CENPF: variants seen among roughly 807,000 people sequenced by gnomAD.
The protein encoded by CENPF is AH antigen.
Under a neutral mutation model 307.3 loss-of-function variants are expected in CENPF, and 214 were observed. That is an observed-to-expected ratio of 0.70 (90% CI 0.62 to 0.78). The LOEUF (loss-of-function observed/expected upper bound fraction) is 0.78, where lower values mean the gene tolerates loss of function less well. Among genes scored for constraint, CENPF ranks in the 30% least tolerant of loss-of-function variants. CENPF has a pLI of 0.00. For synonymous variants in CENPF, 1,259 were observed against 1,270.6 expected (o/e 0.99, Z 0.19); for missense variants, 3,401 against 3,483.9 (o/e 0.98, Z 0.60).
rs1464128025 is a variant in CENPF, at chr1:214,642,863, T to C, written c.4525T>C (p.Leu1509=). 1.9e-6 allele frequency: 3 copies of C among 1,614,010 alleles called. No individual in the cohort carries two copies. Among genetic ancestry groups the C allele is most frequent in the East Asian group, 2.2e-5 (1 of 44,856 alleles). The part of the protein sequence containing the change: ...LLEQTGDMSL[L]SNLEGAVSAN... ...AGAACAGACAGGAGATATGTCTCTT[T>C]TGAGTAATTTAGAAGGGGCTGTTTC... The change falls in exon 12 of 20, where the codon TTG becomes CTG. Residue 1509 remains leucine, a synonymous_variant. Coordinates refer to ENST00000366955, the MANE Select transcript of CENPF (RefSeq NM_016343.4).
intron 3 of CENPF, 171 bp downstream of exon 3, chr1:214,615,199 A>C: frequency 2.1e-6 from 1 of 477,242 alleles, no homozygotes; most frequent in East Asian, 3.5e-5. Context: ...GATTAAAAAC[A>C]AACAAACAGT....
In CENPF at chr1:214,645,901, C is replaced by T; in HGVS notation, c.6331C>T (p.Gln2111Ter). Residue 2111 changes from glutamine (Q) to a stop codon, truncating the protein, a stop_gained, in exon 13 of 20, where the codon CAG becomes TAG. Coordinates refer to ENST00000366955, the MANE Select transcript of CENPF (RefSeq NM_016343.4). LOFTEE classifies it high-confidence loss of function. The part of the protein sequence containing the change: ...GEFALRLSST[Q>*]EEVHQLRRGI... ...GTTCGCATTGAGGCTGAGCTCAACA[C>T]AGGAGGAAGTGCATCAGCTGAGAAG... The T allele has an allele frequency of 6.2e-7, 1 of 1,614,070 alleles. No homozygotes were observed. Among genetic ancestry groups the T allele is most frequent in the South Asian group, 1.1e-5 (1 of 91,078 alleles).
At chr1:214,656,516 TCTCCCAAAGCCATAC>T (rs1658635600) in intron 17 of CENPF, among the ~76,000 whole-genome samples, 1 of 152,202 alleles carries the variant, frequency 6.6e-6, no homozygotes, top group Non-Finnish European at 1.5e-5. Context: ...TAGAATCTTG[TCTCCCAAAGCCATAC>T]AACAGAAGCT....
intron 1 of CENPF, among the ~76,000 whole-genome samples, chr1:214,609,165 C>T (rs1338227418): frequency 1.3e-5 from 2 of 152,040 alleles, no homozygotes; most frequent in Non-Finnish European, 2.9e-5. Flanking sequence ...CTCCGCGCCC[C>T]GGCCGGCCTC....
chr1:214,647,129 A>G lies in CENPF; in HGVS notation c.7559A>G (p.Lys2520Arg), dbSNP rs1350741145. ...VEDGKQKLEK[K>R]DEEISRLKNQ... ...GATGGCAAGCAGAAACTGGAGAAGA[A>G]GGATGAAGAAATCAGTAGACTGAAA... The change falls in exon 13 of 20, where the codon AAG (lysine) becomes AGG (arginine). Residue 2520 changes from lysine (K) to arginine (R), a missense_variant. Coordinates refer to ENST00000366955, the MANE Select transcript of CENPF (RefSeq NM_016343.4). 1.2e-6 allele frequency: 2 copies of G among 1,613,944 alleles called. No homozygotes were observed. Among genetic ancestry groups the G allele is most frequent in the Middle Eastern group, 1.6e-4 (1 of 6,084 alleles).
At chr1:214,615,226 T>A (rs183305898) in intron 3 of CENPF, 198 bp downstream of exon 3, 111 of 441,378 alleles carry the variant, frequency 2.5e-4, no homozygotes, top group African/African-American at 2.2e-3. Context: ...GTTTTATCAT[T>A]GCATAGCTCA....
At chr1:214,654,843 G>A (rs1314933771) in intron 16 of CENPF, among the ~76,000 whole-genome samples, 1 of 152,170 alleles carries the variant, frequency 6.6e-6, no homozygotes, top group Admixed American at 6.5e-5. Flanking sequence ...ACCAAGGCAG[G>A]TATTGAAACT....
At chr1:214,608,516 C>A in intron 1 of CENPF, 1 of 1,611,986 alleles carries the variant, frequency 6.2e-7, no homozygotes, top group South Asian at 1.1e-5. Flanking sequence ...TACCTGGCAC[C>A]AGTCACGCAG....
chr1:214,632,515 G>A lies in CENPF; in HGVS notation c.1359G>A (p.Leu453=). 1.2e-6 allele frequency: 2 copies of A among 1,613,950 alleles called. No individual in the cohort carries two copies. Among genetic ancestry groups the A allele is most frequent in the South Asian group, 1.1e-5 (1 of 91,058 alleles). The change falls in exon 10 of 20, where the codon TTG becomes TTA. Residue 453 remains leucine (L), a synonymous_variant. Transcript: ENST00000366955. ...TSVKQQLENN[L]EEFKQKLCRA... ...TAAAGCAACAGCTAGAAAACAATTT[G>A]GAAGAGTTTAAGCAAAAGTTGTGCA... is the stretch of plus-strand genomic sequence containing the variant.
chr1:214,646,867 A>T lies in CENPF; in HGVS notation c.7297A>T (p.Lys2433Ter). 1.2e-6 allele frequency: 2 copies of T among 1,613,718 alleles called. No homozygotes were observed. Among genetic ancestry groups the T allele is most frequent in the East Asian group, 2.2e-5 (1 of 44,882 alleles). ...AAAAGAGCAAGAGAAAGTACAGATG[A>T]AAGAAAAATCAAGCACTGCCATGGA... Reference protein sequence around the residue: ...QEKEQEKVQMKEKSSTAMEML... With the variant: ...QEKEQEKVQM Residue 2433 changes from lysine (K) to a stop codon, truncating the protein, a stop_gained, in exon 13 of 20, where the codon AAA (lysine) becomes TAA (stop). Coordinates refer to ENST00000366955, the MANE Select transcript of CENPF (RefSeq NM_016343.4). LOFTEE classifies it high-confidence loss of function.
Position 214,640,365 on chromosome 1 carries a change from G to T in CENPF, c.2027G>T (p.Ser676Ile). 1 of 1,613,974 alleles carries T rather than the reference G, an allele frequency of 6.2e-7. No individual in the cohort carries two copies. The change falls in exon 12 of 20, where the codon AGT (serine) becomes ATT (isoleucine). Residue 676 changes from serine (S) to isoleucine (I), a missense_variant. Transcript: ENST00000366955. ...RTLEMDRENL[S>I]VEIRNLHNVL... Reference sequence around the variant, plus strand: ...CTGGAGATGGACAGAGAAAACCTAAGTGTCGAGATCAGAAACCTTCACAAC... The same window carrying T: ...CTGGAGATGGACAGAGAAAACCTAATTGTCGAGATCAGAAACCTTCACAAC...
Position 214,637,949 on chromosome 1 carries a change from G to T in CENPF, c.1530G>T (p.Lys510Asn), listed in dbSNP as rs373344151. The change falls in exon 11 of 20, where the codon AAG (lysine) becomes AAT (asparagine). Residue 510 changes from lysine (K) to asparagine (N), a missense_variant. By Grantham distance (94) the Lys-to-Asn change is moderately conservative. Coordinates refer to ENST00000366955, the MANE Select transcript of CENPF (RefSeq NM_016343.4). Reference protein sequence around the residue: ...REVCHLEAELKNIKQCLNQSQ... With the variant: ...REVCHLEAELNNIKQCLNQSQ... ...TCTGCCACCTGGAGGCAGAACTCAA[G>T]AACATCAAACAGTGTTTAAATCAGA... 3.7e-5 allele frequency: 59 copies of T among 1,613,428 alleles called. No homozygotes were observed. Among genetic ancestry groups the T allele is most frequent in the Non-Finnish European group, 4.8e-5 (57 of 1,179,886 alleles).
chr1:214,610,878 G>T (rs1283852692), intron 1 of CENPF, among the ~76,000 whole-genome samples: 1 of 152,100 alleles, frequency 6.6e-6, no homozygotes, highest in Non-Finnish European at 1.5e-5. Flanking sequence ...TAAGGAGGGG[G>T]TCCAGTTTCA....
chr1:214,639,908 T>TTTAA lies in CENPF; in HGVS notation c.1583-13_1583-12insTTAA. On this transcript the variant is annotated splice_polypyrimidine_tract_variant and intron_variant, in intron 11 of 19. Transcript: ENST00000366955. ...ATTACAAACATTGACGACTTTTATT[T>TTTAA]ATTTTTAAATAGCGAAGAATACCTC... 6.8e-7 allele frequency: 1 copy of TTTAA among 1,468,960 alleles called. No homozygotes were observed. Among genetic ancestry groups the TTTAA allele is most frequent in the Non-Finnish European group, 9.0e-7 (1 of 1,113,806 alleles). The allele number at this position is 1,468,960 out of a possible 1,614,324, so 91.0% of individuals were successfully genotyped here.
At chr1:214,612,088 T>C (rs968828907) in intron 1 of CENPF, among the ~76,000 whole-genome samples, 2 of 152,244 alleles carry the variant, frequency 1.3e-5, no homozygotes, top group African/African-American at 4.8e-5. Context: ...CTTTTGCCCA[T>C]TCAGTATGAT....
chr1:214,607,519 G>A (rs926985823), intron 1 of CENPF, among the ~76,000 whole-genome samples: 1 of 152,190 alleles, frequency 6.6e-6, no homozygotes, highest in African/African-American at 2.4e-5. Context: ...GGGACTGCCT[G>A]CAATATCACC....
chr1:214,655,504 T>TA (rs1658607922), intron 17 of CENPF, 101 bp downstream of exon 17: 3 of 959,358 alleles, frequency 3.1e-6, no homozygotes, highest in Non-Finnish European at 4.3e-6. Context: ...TGCTGTGTTC[T>TA]ATTACTGAGT....
intron 7 of CENPF, among the ~76,000 whole-genome samples, chr1:214,624,788 A>T (rs1442369988): frequency 6.6e-6 from 1 of 151,950 alleles, no homozygotes; most frequent in Non-Finnish European, 1.5e-5. Context: ...AAAAAATGTC[A>T]TTAGGACCTG....
chr1:214,610,019 C>CTTTTTTT (rs34695664), intron 1 of CENPF, among the ~76,000 whole-genome samples: 3 of 130,378 alleles, frequency 2.3e-5, no homozygotes, highest in African/African-American at 5.7e-5. Context: ...GTGCATGTGC[C>CTTTTTTT]TTTTTTTTTT....
Sources: gnomAD v4.1 joint callset for allele counts (sites outside exome capture counted in the v4.1 genomes callset) on GRCh38, gnomAD v4.1.1 for gene constraint, MANE v1.5 for transcripts, NCBI Gene and HGNC (gene_info 2026-07-23, HGNC 2026-07-21) for gene names.